SEMA3A: variants seen among roughly 807,000 people sequenced by gnomAD.
SEMA3A encodes semaphorin-3A.
In SEMA3A, 29 loss-of-function variants were observed where a neutral mutation model predicts 97.9. That is an observed-to-expected ratio of 0.30 (90% confidence interval 0.22 to 0.40). The LOEUF (loss-of-function observed/expected upper bound fraction) is 0.40, where lower values mean the gene tolerates loss of function less well. Among genes scored for constraint, SEMA3A ranks in the 10% least tolerant of loss-of-function variants. SEMA3A has a pLI of 1.00. For synonymous variants in SEMA3A, 321 were observed against 323.7 expected, an observed-to-expected ratio of 0.99 and a Z score of 0.09; for missense variants, 763 against 951.3, an observed-to-expected ratio of 0.80 and a Z score of 2.60.
chr7:83,961,489 C>T lies in SEMA3A; in HGVS notation c.2198G>A (p.Arg733His), dbSNP rs318240753. The change falls in exon 17 of 17, where the codon CGT becomes CAT. Residue 733 changes from arginine to histidine, a missense_variant. Physicochemically the swap from Arg to His is conservative, Grantham distance 29. This residue lies in a region of SEMA3A where 678 missense variants were observed against 881.3 expected (regional missense o/e 0.77). Coordinates refer to ENST00000265362, the MANE Select transcript of SEMA3A (RefSeq NM_006080.3). ...TGGGGTATGTCCTGGCCTTTGCCGA[C>T]GTTGTTTTCGGTCCCTTTTCCAAAC... ...EQVWKRDRKQ[R>H]RQRPGHTPGN... The T allele has an allele frequency of 3.0e-5, 48 of 1,613,876 alleles. No homozygotes were observed. Among genetic ancestry groups the T allele is most frequent in the African/African-American group, 1.1e-4 (8 of 74,878 alleles).
chr7:84,150,613 C>G (rs1024415577), intron 1 of SEMA3A, among the ~76,000 whole-genome samples: 4 of 152,166 alleles, frequency 2.6e-5, no homozygotes, highest in Non-Finnish European at 5.9e-5. Context: ...TCGCTGATTG[C>G]TAGCACAGCA....
chr7:84,450,805 T>C (rs1183970996), intron 1 of SEMA3A, among the ~76,000 whole-genome samples: 1 of 152,230 alleles, frequency 6.6e-6, no homozygotes, highest in Non-Finnish European at 1.5e-5. Flanking sequence ...TTATTTGTCC[T>C]CTTTGTAGGA....
intron 1 of SEMA3A, among the ~76,000 whole-genome samples, chr7:84,415,230 G>A (rs1244473359): frequency 3.9e-5 from 6 of 151,976 alleles, no homozygotes; most frequent in African/African-American, 2.4e-5. Flanking sequence ...TCATAAATCT[G>A]TGTTAAAAAA....
chr7:84,087,415 C>T (rs1794416300), intron 4 of SEMA3A, among the ~76,000 whole-genome samples: 1 of 152,182 alleles, frequency 6.6e-6, no homozygotes, highest in Non-Finnish European at 1.5e-5. Context: ...TTGTTGTGAT[C>T]CTACTTCATG....
chr7:84,191,837 T>C (rs1297044280), intron 1 of SEMA3A, among the ~76,000 whole-genome samples: 2 of 151,860 alleles, frequency 1.3e-5, no homozygotes, highest in South Asian at 2.1e-4. Context: ...ATTTTTCTAA[T>C]ATTATCACTT....
chr7:84,437,127 G>A (rs1805153112), intron 1 of SEMA3A, among the ~76,000 whole-genome samples: 1 of 152,028 alleles, frequency 6.6e-6, no homozygotes, highest in Non-Finnish European at 1.5e-5. Context: ...TTTACAATAA[G>A]CGCTCTGGAT....
intron 3 of SEMA3A, among the ~76,000 whole-genome samples, chr7:84,222,580 T>A (rs2116339427): frequency 6.6e-6 from 1 of 152,020 alleles, no homozygotes; most frequent in East Asian, 1.9e-4. Context: ...GAAGAATTAG[T>A]TTTACTTTTG....
chr7:84,170,384 C>T (rs1054658872), intron 1 of SEMA3A, among the ~76,000 whole-genome samples: 3 of 152,054 alleles, frequency 2.0e-5, no homozygotes, highest in African/African-American at 7.2e-5. Flanking sequence ...GCAGTGACTT[C>T]GTAAATGAGA....
At chr7:84,455,336 C>T (rs928088326) in intron 1 of SEMA3A, among the ~76,000 whole-genome samples, 1 of 151,898 alleles carries the variant, frequency 6.6e-6, no homozygotes, top group Non-Finnish European at 1.5e-5. Flanking sequence ...TCAAATATGA[C>T]TTCAATGTTT....
chr7:84,002,116 A>C, intron 11 of SEMA3A, 70 bp from the exon 12 acceptor site: 1 of 862,062 alleles, frequency 1.2e-6, no homozygotes, highest in Non-Finnish European at 1.8e-6. Context: ...TAATGAATGA[A>C]ATATGTATTT....
intron 3 of SEMA3A, among the ~76,000 whole-genome samples, chr7:84,227,821 A>G (rs1799023987): frequency 6.6e-6 from 1 of 151,790 alleles, no homozygotes; most frequent in African/African-American, 2.4e-5. Flanking sequence ...TGAAATTCTC[A>G]TTGCCAAGTA....
At chr7:84,054,261 C>A (rs2115644651) in intron 5 of SEMA3A, among the ~76,000 whole-genome samples, 1 of 152,374 alleles carries the variant, frequency 6.6e-6, no homozygotes, top group Middle Eastern at 3.4e-3. Flanking sequence ...CGTTGGCTTG[C>A]CTTGCTAGAT....
intron 4 of SEMA3A, among the ~76,000 whole-genome samples, chr7:84,062,883 G>C (rs1421507317): frequency 1.3e-5 from 2 of 151,774 alleles, no homozygotes; most frequent in African/African-American, 4.8e-5. Flanking sequence ...GGTAAACAAA[G>C]CAGCCTGGAA....
chr7:84,192,983 G>A (rs1294851981), intron 1 of SEMA3A, among the ~76,000 whole-genome samples: 1 of 151,814 alleles, frequency 6.6e-6, no homozygotes, highest in African/African-American at 2.4e-5. Flanking sequence ...TAAAAACACA[G>A]ACACCATAAT....
intron 1 of SEMA3A, among the ~76,000 whole-genome samples, chr7:84,404,942 G>A (rs200224169): frequency 6.7e-6 from 1 of 148,616 alleles, no homozygotes; most frequent in African/African-American, 2.5e-5. Context: ...GCAAAAACAT[G>A]CCAAATTGTA....
intron 15 of SEMA3A, among the ~76,000 whole-genome samples, chr7:83,966,811 A>G (rs1430920741): frequency 6.6e-6 from 1 of 151,868 alleles, no homozygotes; most frequent in Non-Finnish European, 1.5e-5. Flanking sequence ...TCCCGGGTTC[A>G]AGCGATTCTC....
At chr7:84,437,565 C>CTT (rs796720398) in intron 1 of SEMA3A, among the ~76,000 whole-genome samples, 11 of 131,252 alleles carry the variant, frequency 8.4e-5, no homozygotes, top group African/African-American at 2.5e-4. Flanking sequence ...CTAATGCTGG[C>CTT]TTTTTTTTTT....
At chr7:84,318,532 C>G (rs1391703606) in intron 2 of SEMA3A, among the ~76,000 whole-genome samples, 1 of 151,704 alleles carries the variant, frequency 6.6e-6, no homozygotes, top group African/African-American at 2.4e-5. Flanking sequence ...CCGTTTTAGC[C>G]GGGATGGTCT....
chr7:84,179,963 CTT>C (rs1215492615), intron 1 of SEMA3A, among the ~76,000 whole-genome samples: 12 of 109,396 alleles, frequency 1.1e-4, no homozygotes, highest in Non-Finnish European at 9.3e-5. Flanking sequence ...CTTGACTGTT[CTT>C]TTTTTTTTTT....
Sources: allele counts gnomAD v4.1 joint callset (sites outside exome capture counted in the v4.1 genomes callset), GRCh38; gene constraint gnomAD v4.1.1; regional missense constraint gnomAD v4.1.1; transcripts MANE v1.5; gene names NCBI Gene and HGNC (gene_info 2026-07-23, HGNC 2026-07-21).